The following ZNF551 variants were observed in gnomAD, a reference collection of about 807,000 sequenced individuals.
ZNF551 encodes zinc finger protein 551, also known as KOX 23 protein (56 AA).
A neutral mutation model predicts 7.9 loss-of-function variants in ZNF551; 5 were observed. The ratio of observed to expected loss-of-function variants is 0.63; its 90% confidence interval spans 0.33 to 1.33. ZNF551 has a LOEUF of 1.33. Ranked by LOEUF, ZNF551 falls within the 40% of genes most tolerant of loss-of-function variation. The pLI is 0.05. For missense variants in ZNF551, 788 were observed against 825.2 expected, an observed-to-expected ratio of 0.95 and a Z score of 0.55; for synonymous variants, 287 against 277.3, an observed-to-expected ratio of 1.03 and a Z score of -0.35.
rs61734069 is a variant in ZNF551, at chr19:57,682,174, C to G, written c.11C>G (p.Pro4Arg). The change falls in exon 1 of 3, where the codon CCG becomes CGG. Residue 4 changes from proline to arginine, a missense_variant. Physicochemically the swap from Pro to Arg is moderately radical, Grantham distance 103. Transcript: ENST00000282296. Reference sequence around the variant, plus strand: ...GACTGTTGTGTTCGAATGCCCGCCCCGGTCGGCCGCCGCTCCCCGCCTAGT... The same window carrying G: ...GACTGTTGTGTTCGAATGCCCGCCCGGGTCGGCCGCCGCTCCCCGCCTAGT... MPA[P>R]VGRRSPPSPR... is the part of the protein sequence containing the mutation. 4.2e-3 allele frequency: 6,521 copies of G among 1,548,878 alleles called. 230 individuals carry two copies. In the African/African-American group the frequency reaches 0.076, roughly 18 times the overall value.
At chr19:57,686,408 C>G (rs202011647) in intron 2 of ZNF551, 73 bp from the exon 3 acceptor site, 51 of 1,556,772 alleles carry the variant, frequency 3.3e-5, no homozygotes, top group Admixed American at 1.1e-4. Context: ...TTGTGTCTCA[C>G]ACATTTTTGT....
rs761462607 is a variant in ZNF551, at chr19:57,688,054, G to A, written c.1779G>A (p.Gly593=). The A allele has an allele frequency of 3.1e-6, 5 of 1,613,792 alleles. No homozygotes were observed. In the South Asian group the frequency reaches 3.3e-5, roughly 11 times the overall value. The part of the protein sequence containing the change: ...GERPYECSEC[G]KSFSQSSSLI... ...GGCCTTATGAATGTAGTGAATGTGGGAAATCCTTTAGCCAGAGCTCTAGCC... is the reference window on the plus strand; with the variant it reads ...GGCCTTATGAATGTAGTGAATGTGGAAAATCCTTTAGCCAGAGCTCTAGCC... The change falls in exon 3 of 3, where the codon GGG becomes GGA. Residue 593 remains glycine (G), a synonymous_variant. Transcript: ENST00000282296.
At position 57,682,260 on chromosome 19, in the gene ZNF551, T is replaced by C. The variant is rs1249068172; in HGVS notation, c.81+16T>C. On this transcript the variant is annotated intron_variant, in intron 1 of 2. Coordinates refer to ENST00000282296, the MANE Select transcript of ZNF551 (RefSeq NM_138347.5). ...CTCGGCTCAGGTGAGTTGTGCGTCC[T>C]CCGGGTCTCGCCTACCTCCCCCAGC... 1.3e-6 allele frequency: 2 copies of C among 1,549,036 alleles called. No homozygotes were observed. The highest frequency in any genetic ancestry group is 2.4e-5 in the South Asian group (2 of 83,954).
At position 57,688,126 on chromosome 19, in the gene ZNF551, C is replaced by T. The variant is rs1355120650; in HGVS notation, c.1851C>T (p.Cys617=). The part of the protein sequence containing the change: ...RGHTGERPYE[C]SQCGKPFTHK... ...ACACTGGAGAAAGACCTTATGAGTG[C>T]AGTCAATGTGGGAAACCCTTTACCC... The change falls in exon 3 of 3, where the codon TGC becomes TGT. Residue 617 remains cysteine, a synonymous_variant. Transcript: ENST00000282296. The T allele has an allele frequency of 6.2e-7, 1 of 1,613,828 alleles. No homozygotes were observed. The highest frequency in any genetic ancestry group is 8.5e-7 in the Non-Finnish European group (1 of 1,179,974).
At chr19:57,682,324 C>G in intron 1 of ZNF551, 80 bp downstream of exon 1, 1 of 1,440,820 alleles carries the variant, frequency 6.9e-7, no homozygotes, top group Non-Finnish European at 9.4e-7. Context: ...CTGCTCACAG[C>G]CCTGCAGCCC....
rs1160732776 is a variant in ZNF551, at chr19:57,682,141, G to T, written c.-23G>T. ...ACCTCGGGTGAGCTGCGCCAGGCCC[G>T]GGATAGGGACTGTTGTGTTCGAATG... On this transcript the variant is annotated 5_prime_UTR_variant, in exon 1 of 3. Coordinates refer to ENST00000282296, the MANE Select transcript of ZNF551 (RefSeq NM_138347.5). The T allele has an allele frequency of 6.5e-7, 1 of 1,540,020 alleles. No homozygotes were observed. The highest frequency in any genetic ancestry group is 1.7e-4 in the Middle Eastern group (1 of 5,970).
At position 57,690,130 on chromosome 19, in the gene ZNF551, T is replaced by C. The variant is rs985505380; in HGVS notation, c.*1842T>C. 2 of 152,172 alleles carry C rather than the reference T, an allele frequency of 1.3e-5. No homozygotes were observed. Among genetic ancestry groups the C allele is most frequent in the African/African-American group, 4.8e-5 (2 of 41,434 alleles). The allele number at this position is 152,172 out of a possible 1,614,324, so 9.4% of individuals were successfully genotyped here. On this transcript the variant is annotated 3_prime_UTR_variant, in exon 3 of 3. Transcript: ENST00000282296. ...CTAGGCTCTTAATTTTGAGCCACTTTTTAAAGCTTTTTGAAGGTCTAATTT... is the reference window on the plus strand; with the variant it reads ...CTAGGCTCTTAATTTTGAGCCACTTCTTAAAGCTTTTTGAAGGTCTAATTT...
At position 57,682,238 on chromosome 19, in the gene ZNF551, G is replaced by C; in HGVS notation, c.75G>C (p.Ser25=). The change falls in exon 1 of 3, where the codon TCG becomes TCC. Residue 25 remains serine, a synonymous_variant. Coordinates refer to ENST00000282296, the MANE Select transcript of ZNF551 (RefSeq NM_138347.5). ...TGGCGGCAGTCGCGCTGAGGGACTC[G>C]GCTCAGGTGAGTTGTGCGTCCTCCG... is the stretch of plus-strand genomic sequence containing the variant. The part of the protein sequence containing the change: ...SSMAAVALRD[S]AQGMTFEDVA... 1 of 1,550,462 alleles carries C rather than the reference G, an allele frequency of 6.4e-7. No homozygotes were observed. The highest frequency in any genetic ancestry group is 8.7e-7 in the Non-Finnish European group (1 of 1,146,882).
rs745934995 is a variant in ZNF551 at position 57,687,666 on chromosome 19, G to A, written c.1391G>A (p.Arg464Gln). ...TTTAGACAATTCTCTAACCTCATTC[G>A]ACACCGCAGCATTCACACTGGTGAT... ...KSFRQFSNLI[R>Q]HRSIHTGDRP... is the part of the protein sequence containing the mutation. Residue 464 changes from arginine (R) to glutamine (Q), a missense_variant, in exon 3 of 3, where the codon CGA (arginine) becomes CAA (glutamine). Physicochemically the swap from Arg to Gln is conservative, Grantham distance 43. Transcript: ENST00000282296. 11 of 1,613,644 alleles carry A rather than the reference G, an allele frequency of 6.8e-6. No individual in the cohort carries two copies. The highest frequency in any genetic ancestry group is 2.7e-5 in the African/African-American group (2 of 74,746).
At position 57,687,864 on chromosome 19, in the gene ZNF551, C is replaced by T; in HGVS notation, c.1589C>T (p.Pro530Leu). 3 of 1,614,164 alleles carry T rather than the reference C, an allele frequency of 1.9e-6. No homozygotes were observed. The highest frequency in any genetic ancestry group is 2.5e-6 in the Non-Finnish European group (3 of 1,180,040). The change falls in exon 3 of 3, where the codon CCT (proline) becomes CTT (leucine). Residue 530 changes from proline (P) to leucine (L), a missense_variant. By Grantham distance (98) the Pro-to-Leu change is moderately conservative. Coordinates refer to ENST00000282296, the MANE Select transcript of ZNF551 (RefSeq NM_138347.5). The stretch of plus-strand genomic sequence containing the variant: ...CGGAGAATTCATACTGGCACAAGAC[C>T]TTATGAGTGCAGTGAATGTGGCAAA... ...QHRRIHTGTR[P>L]YECSECGKSF...
At position 57,687,947 on chromosome 19, in the gene ZNF551, C is replaced by A. The variant is rs767903730; in HGVS notation, c.1672C>A (p.Pro558Thr). Residue 558 changes from proline (P) to threonine (T), a missense_variant, in exon 3 of 3, where the codon CCT becomes ACT. By Grantham distance (38) the Pro-to-Thr change is conservative. Coordinates refer to ENST00000282296, the MANE Select transcript of ZNF551 (RefSeq NM_138347.5). ...CCGGAGACTTCATACTGGAGAAAGGCCTTATGAATGTAGTGAATGTGGAAA... is the reference window on the plus strand; with the variant it reads ...CCGGAGACTTCATACTGGAGAAAGGACTTATGAATGTAGTGAATGTGGAAA... ...QHRRLHTGER[P>T]YECSECGKSF... 1 of 1,614,162 alleles carries A rather than the reference C, an allele frequency of 6.2e-7. No individual in the cohort carries two copies. Among genetic ancestry groups the A allele is most frequent in the South Asian group, 1.1e-5 (1 of 91,090 alleles).
intron 1 of ZNF551, among the ~76,000 whole-genome samples, chr19:57,683,247 A>G (rs1222074384): frequency 1.3e-5 from 2 of 152,208 alleles, no homozygotes; most frequent in East Asian, 3.8e-4. Flanking sequence ...ATAGGCCAAA[A>G]TGGTGGCTGT....
At chr19:57,685,217 G>A (rs1377510250) in intron 1 of ZNF551, 45 bp from the exon 2 acceptor site, 2 of 1,604,980 alleles carry the variant, frequency 1.2e-6, no homozygotes, top group East Asian at 2.2e-5. Context: ...AGAGGATAAT[G>A]AACTCCGGGT....
In ZNF551 at chr19:57,688,357, C is replaced by T. The variant is rs1371954974; in HGVS notation, c.*69C>T. On this transcript the variant is annotated 3_prime_UTR_variant, in exon 3 of 3. Coordinates refer to ENST00000282296, the MANE Select transcript of ZNF551 (RefSeq NM_138347.5). ...TGGAGGAGACTGTGGTAGCCATCTT[C>T]GTAAATTTAAACTTTGAGCACCCAC... The T allele has an allele frequency of 2.4e-5, 37 of 1,546,058 alleles. No individual in the cohort carries two copies. The East Asian group carries it at 3.2e-4, about 13-fold the overall frequency.
intron 1 of ZNF551, among the ~76,000 whole-genome samples, chr19:57,684,445 C>G (rs1984489344): frequency 6.6e-6 from 1 of 152,006 alleles, no homozygotes; most frequent in African/African-American, 2.4e-5. Context: ...GAACCAAGAC[C>G]CTTGGTTGTG....
intron 2 of ZNF551, 85 bp downstream of exon 2, chr19:57,685,470 A>C (rs762253493): frequency 6.3e-7 from 1 of 1,598,312 alleles, no homozygotes; most frequent in Non-Finnish European, 8.6e-7. Flanking sequence ...CTGTCAGCCT[A>C]GTGGATCTTA....
chr19:57,682,226 G>C lies in ZNF551; in HGVS notation c.63G>C (p.Ala21=). ...CACGGAGCTCAATGGCGGCAGTCGC[G>C]CTGAGGGACTCGGCTCAGGTGAGTT... ...PSPRSSMAAV[A]LRDSAQGMTF... is the part of the protein sequence containing the mutation. The change falls in exon 1 of 3, where the codon GCG becomes GCC. Residue 21 remains alanine (A), a synonymous_variant. Transcript: ENST00000282296. The C allele has an allele frequency of 6.4e-7, 1 of 1,550,470 alleles. No individual in the cohort carries two copies. The highest frequency in any genetic ancestry group is 8.7e-7 in the Non-Finnish European group (1 of 1,146,940).
In ZNF551 at chr19:57,687,222, T is replaced by A; in HGVS notation, c.947T>A (p.Phe316Tyr). 6.2e-7 allele frequency: 1 copy of A among 1,614,154 alleles called. No homozygotes were observed. Among genetic ancestry groups the A allele is most frequent in the Non-Finnish European group, 8.5e-7 (1 of 1,180,024 alleles). Residue 316 changes from phenylalanine (F) to tyrosine (Y), a missense_variant, in exon 3 of 3, where the codon TTT becomes TAT. Coordinates refer to ENST00000282296, the MANE Select transcript of ZNF551 (RefSeq NM_138347.5). ...GAATGCAGTGATCGTGAGAAAGCCT[T>A]TATCCATAAATCTGAATTCATTCAC... ...PYECSDREKAFIHKSEFIHHQ... is the reference protein window; with the variant it reads ...PYECSDREKAYIHKSEFIHHQ...
Position 57,689,316 on chromosome 19 carries a change from T to G in ZNF551, c.*1028T>G, listed in dbSNP as rs1173403957. The G allele has an allele frequency of 3.9e-5, 6 of 152,134 alleles. No individual in the cohort carries two copies. The highest frequency in any genetic ancestry group is 2.9e-5 in the Non-Finnish European group (2 of 68,032). The allele number at this position is 152,134 out of a possible 1,614,324, so 9.4% of individuals were successfully genotyped here. ...GTGCCATTTGTTGTCAGACTATAGG[T>G]GTGGAGGTGAAATTACAGGTTCAAC... On this transcript the variant is annotated 3_prime_UTR_variant, in exon 3 of 3. Coordinates refer to ENST00000282296, the MANE Select transcript of ZNF551 (RefSeq NM_138347.5).
Sources: gnomAD v4.1 joint callset for allele counts (sites outside exome capture counted in the v4.1 genomes callset) on GRCh38, gnomAD v4.1.1 for gene constraint, MANE v1.5 for transcripts, NCBI Gene and HGNC (gene_info 2026-07-23, HGNC 2026-07-21) for gene names.